CACNA1A: variants seen among roughly 807,000 people sequenced by gnomAD.
CACNA1A encodes calcium voltage-gated channel subunit alpha1 A.
In CACNA1A, 57 loss-of-function variants were observed where a neutral mutation model predicts 262.4. That is an observed-to-expected ratio of 0.22 (90% CI 0.18 to 0.27). The LOEUF (loss-of-function observed/expected upper bound fraction) is 0.27, where lower values mean the gene tolerates loss of function less well. Ranked by LOEUF, CACNA1A falls within the 10% of genes least tolerant of loss-of-function variation. The pLI, the probability that CACNA1A is intolerant of heterozygous loss-of-function variation, is 1.00. For missense variants in CACNA1A, 2,526 were observed against 3,562.8 expected (o/e 0.71, Z 7.41); for synonymous variants, 1,431 against 1,419.3 (o/e 1.01, Z -0.18).
intron 15 of CACNA1A, 63 bp from the exon 16 acceptor site, chr19:13,303,947 C>G: frequency 8.3e-7 from 1 of 1,201,872 alleles, no homozygotes; most frequent in East Asian, 2.3e-5. Context: ...CTTGGAGATG[C>G]AGCTGTGGAG....
rs1263832410 is a variant in CACNA1A at position 13,254,383 on chromosome 19, A to G, written c.4755+712T>C. On this transcript the variant is annotated intron_variant, in intron 29 of 46. Coordinates refer to ENST00000360228, the MANE Select transcript of CACNA1A (RefSeq NM_001127222.2). Reference sequence around the variant, plus strand: ...TTTTTCTTTTCTTTTTTTTTTTGAGATGGAGTCTTGCTCTTGTTGCCCAGG... The same window carrying G: ...TTTTTCTTTTCTTTTTTTTTTTGAGGTGGAGTCTTGCTCTTGTTGCCCAGG... Among the ~76,000 whole-genome samples, 3 of 147,004 alleles carry G rather than the reference A, an allele frequency of 2.0e-5. No individual in the cohort carries two copies. The Admixed American group carries it at 2.1e-4, about 10-fold the overall frequency.
In CACNA1A at chr19:13,298,575, C is replaced by G. The variant is rs1418122234; in HGVS notation, c.3058G>C (p.Glu1020Gln). 6.5e-7 allele frequency: 1 copy of G among 1,543,764 alleles called. No individual in the cohort carries two copies. The highest frequency in any genetic ancestry group is 8.7e-7 in the Non-Finnish European group (1 of 1,143,200). The change falls in exon 19 of 47, where the codon GAG becomes CAG. Residue 1020 changes from glutamate (E) to glutamine (Q), a missense_variant. Glu to Gln is a conservative substitution (Grantham distance 29). Coordinates refer to ENST00000360228, the MANE Select transcript of CACNA1A (RefSeq NM_001127222.2). The part of the protein sequence containing the change: ...PATYEGDARR[E>Q]DKERRHRRRK... ...CTCCGATGCCTCCGCTCCTTGTCCT[C>G]CCTCCGCGCGTCCCCCTCGTACGTG... is the stretch of plus-strand genomic sequence containing the variant.
Position 13,317,170 on chromosome 19 carries a change from G to A in CACNA1A, c.1497C>T (p.Asn499=). 1 of 1,613,538 alleles carries A rather than the reference G, an allele frequency of 6.2e-7. No individual in the cohort carries two copies. Among genetic ancestry groups the A allele is most frequent in the Non-Finnish European group, 8.5e-7 (1 of 1,179,552 alleles). ...YWTVLSLVAL[N]TLCVAIVHYN... Reference sequence around the variant, plus strand: ...AGTGAACAATAGCAACACACAGCGTGTTGAGAGCTACCAAACTGAGTACAG... The same window carrying A: ...AGTGAACAATAGCAACACACAGCGTATTGAGAGCTACCAAACTGAGTACAG... Residue 499 remains asparagine, a synonymous_variant, in exon 11 of 47, where the codon AAC becomes AAT. Coordinates refer to ENST00000360228, the MANE Select transcript of CACNA1A (RefSeq NM_001127222.2).
chr19:13,419,228 A>C lies in CACNA1A; in HGVS notation c.539+33648T>G, dbSNP rs73507065. The stretch of plus-strand genomic sequence containing the variant: ...GTGTTACAACTGCCTACAGTATTCA[A>C]GACAGTAACCTGCTGTGCAGGTTTG... On this transcript the variant is annotated intron_variant, in intron 3 of 46. Coordinates refer to ENST00000360228, the MANE Select transcript of CACNA1A (RefSeq NM_001127222.2). Among the ~76,000 whole-genome samples, 666 of 152,334 alleles carry C rather than the reference A, an allele frequency of 4.4e-3. 10 individuals are homozygous for C. The highest frequency in any genetic ancestry group is 0.015 in the African/African-American group (620 of 41,572).
chr19:13,432,292 G>C (rs1449620500), intron 3 of CACNA1A, among the ~76,000 whole-genome samples: 1 of 149,028 alleles, frequency 6.7e-6, no homozygotes, highest in Non-Finnish European at 1.5e-5. Context: ...GCAAGCACCT[G>C]TAACCCCAGC....
chr19:13,444,776 TTGGACAAACCAC>T (rs1205704139), intron 3 of CACNA1A, among the ~76,000 whole-genome samples: 1 of 152,102 alleles, frequency 6.6e-6, no homozygotes, highest in African/African-American at 2.4e-5. Flanking sequence ...CTGTGTGACT[TTGGACAAACCAC>T]TTGTTTGTGA....
intron 1 of CACNA1A, among the ~76,000 whole-genome samples, chr19:13,490,188 C>T (rs1291648317): frequency 6.6e-6 from 1 of 152,226 alleles, no homozygotes; most frequent in Non-Finnish European, 1.5e-5. Flanking sequence ...TGATGTTTTA[C>T]AGTCACCATC....
In CACNA1A at chr19:13,299,309, T is replaced by C; in HGVS notation, c.2324A>G (p.Glu775Gly). 6.2e-7 allele frequency: 1 copy of C among 1,601,528 alleles called. No homozygotes were observed. The highest frequency in any genetic ancestry group is 8.5e-7 in the Non-Finnish European group (1 of 1,179,818). ...CTTTCGCATCTCACTGGTCCGCTGC[T>C]CCCACACGGACTTGGCTGGCTTTTG... Reference protein sequence around the residue: ...KNQKPAKSVWEQRTSEMRKQN... With the variant: ...KNQKPAKSVWGQRTSEMRKQN... The change falls in exon 19 of 47, where the codon GAG becomes GGG. Residue 775 changes from glutamate (E) to glycine (G), a missense_variant. By Grantham distance (98) the Glu-to-Gly change is moderately conservative. Coordinates refer to ENST00000360228, the MANE Select transcript of CACNA1A (RefSeq NM_001127222.2).
intron 5 of CACNA1A, chr19:13,363,119 C>G (rs1054767466): frequency 2.0e-5 from 3 of 152,222 alleles, no homozygotes; most frequent in Non-Finnish European, 4.4e-5. Flanking sequence ...GAGGCTTCCT[C>G]CCCTCTGGTG....
chr19:13,340,833 G>A (rs1261310455), intron 6 of CACNA1A, among the ~76,000 whole-genome samples: 1 of 152,138 alleles, frequency 6.6e-6, no homozygotes, highest in Non-Finnish European at 1.5e-5. Context: ...ATTGGAAATA[G>A]GGTCTTTGCA....
chr19:13,506,303 A>T lies in CACNA1A; in HGVS notation c.-79T>A. 1 of 1,211,144 alleles carries T rather than the reference A, an allele frequency of 8.3e-7. No homozygotes were observed. The highest frequency in any genetic ancestry group is 3.0e-5 in the East Asian group (1 of 33,626). 75.0% of individuals were successfully genotyped at this position (1,211,144 alleles called of 1,614,324 possible). On this transcript the variant is annotated 5_prime_UTR_variant, in exon 1 of 47. Transcript: ENST00000360228. ...GCCGCCGCCGCCGCCGCCGCCGCTG[A>T]TGCTGAGGCTGCCGGGGCTGGGAGC...
chr19:13,410,943 G>A lies in CACNA1A; in HGVS notation c.540-39164C>T, dbSNP rs531060763. 2.6e-5 allele frequency among the ~76,000 whole-genome samples: 4 copies of A among 152,168 alleles called. No homozygotes were observed. The South Asian group carries it at 8.3e-4, about 32-fold the overall frequency. On this transcript the variant is annotated intron_variant, in intron 3 of 46. Transcript: ENST00000360228. ...CAACCTCTTTAATGATGGAGAGTAA[G>A]CCCTGGGCTCAGTCCTGGGTGCTCT...
At chr19:13,483,991 G>C (rs1416878458) in intron 1 of CACNA1A, among the ~76,000 whole-genome samples, 2 of 152,120 alleles carry the variant, frequency 1.3e-5, no homozygotes, top group Non-Finnish European at 2.9e-5. Context: ...AATTGGCCAG[G>C]AGCACCTCAG....
At chr19:13,265,664 CTTTT>C (rs895028426) in intron 24 of CACNA1A, among the ~76,000 whole-genome samples, 6 of 151,984 alleles carry the variant, frequency 3.9e-5, no homozygotes, top group Non-Finnish European at 5.9e-5. Context: ...TTCTTTCTTT[CTTTT>C]TTATTATACT....
intron 44 of CACNA1A, among the ~76,000 whole-genome samples, chr19:13,210,191 G>A (rs1450966488): frequency 6.6e-6 from 1 of 152,222 alleles, no homozygotes; most frequent in Non-Finnish European, 1.5e-5. Context: ...GGCAGAGGAG[G>A]GAAGGAGGGA....
At chr19:13,485,769 G>C (rs916044317) in intron 1 of CACNA1A, among the ~76,000 whole-genome samples, 2 of 152,208 alleles carry the variant, frequency 1.3e-5, no homozygotes, top group African/African-American at 4.8e-5. Context: ...ACCGGCAGGA[G>C]TGTAAATTAG....
rs773593740 is a variant in CACNA1A at position 13,334,435 on chromosome 19, G to T, written c.1141C>A (p.Arg381=). 6 of 1,612,724 alleles carry T rather than the reference G, an allele frequency of 3.7e-6. No individual in the cohort carries two copies. The South Asian group carries it at 6.6e-5, about 18-fold the overall frequency. The change falls in exon 8 of 47, where the codon CGG becomes AGG. Residue 381 remains arginine, a synonymous_variant. Transcript: ENST00000360228. ...ENRRAFLKLR[R]QQQIERELNG... is the part of the protein sequence containing the mutation. ...AGCTCACGTTCAATCTGTTGTTGCC[G>T]CCTCAGCTTCAGAAAAGCCCGCCGG...
chr19:13,283,912 C>G (rs1042742748), intron 21 of CACNA1A: 3 of 152,528 alleles, frequency 2.0e-5, no homozygotes, highest in East Asian at 3.9e-4. Context: ...AGACCCAAGA[C>G]TTAATTTATG....
intron 3 of CACNA1A, among the ~76,000 whole-genome samples, chr19:13,420,235 C>T (rs1370711772): frequency 6.6e-6 from 1 of 151,482 alleles, no homozygotes; most frequent in Non-Finnish European, 1.5e-5. Flanking sequence ...CATTCATTGA[C>T]CTATTGCACA....
Sources: gnomAD v4.1 joint callset for allele counts (sites outside exome capture counted in the v4.1 genomes callset) on GRCh38, gnomAD v4.1.1 for gene constraint, MANE v1.5 for transcripts, NCBI Gene and HGNC (gene_info 2026-07-23, HGNC 2026-07-21) for gene names.